The following METTL9 variants were observed in gnomAD, a reference collection of about 807,000 sequenced individuals.
METTL9 encodes protein-L-histidine N-pros-methyltransferase.
A neutral mutation model predicts 36.0 loss-of-function variants in METTL9; 10 were observed. That is an observed-to-expected ratio of 0.28 (90% CI 0.17 to 0.47). The LOEUF (loss-of-function observed/expected upper bound fraction) is 0.47. METTL9 is among the 20% of genes least tolerant of loss of function. The pLI, the probability that METTL9 is intolerant of heterozygous loss-of-function variation, is 0.99. For missense variants in METTL9, 246 were observed against 383.5 expected (o/e 0.64, Z 3.00); for synonymous variants, 175 against 149.7 (o/e 1.17, Z -1.23).
chr16:21,654,073 G>A (rs188002662), intron 4 of METTL9: 2,454 of 118,802 alleles, frequency 0.021, 37 homozygotes, highest in Middle Eastern at 0.081. Context: ...ACAGAGTCTC[G>A]CTCTGTCGCC....
intron 4 of METTL9, among the ~76,000 whole-genome samples, chr16:21,631,213 G>A (rs1339461037): frequency 2.6e-5 from 4 of 152,148 alleles, no homozygotes. Flanking sequence ...CCTATAAATA[G>A]GGGTATTAGT....
At chr16:21,626,542 G>A (rs1965818638) in intron 4 of METTL9, among the ~76,000 whole-genome samples, 1 of 152,166 alleles carries the variant, frequency 6.6e-6, no homozygotes, top group Admixed American at 6.5e-5. Flanking sequence ...ATAGAAGGGT[G>A]TGGAAAAGAG....
At chr16:21,644,421 C>T (rs747895996) in intron 4 of METTL9, 18 of 1,480,754 alleles carry the variant, frequency 1.2e-5, no homozygotes, top group Non-Finnish European at 1.6e-5. Context: ...CAGAAAGAAG[C>T]ACATTGACTA....
At chr16:21,627,954 A>G (rs952177928) in intron 4 of METTL9, among the ~76,000 whole-genome samples, 1 of 152,304 alleles carries the variant, frequency 6.6e-6, no homozygotes, top group Admixed American at 6.5e-5. Flanking sequence ...CTCCATCTCA[A>G]AAAACAAACA....
rs1454721182 is a variant in METTL9 at position 21,617,668 on chromosome 16, G to T, written c.357-197G>T. Among the ~76,000 whole-genome samples the T allele has an allele frequency of 2.0e-5, 3 of 151,904 alleles. 1 individual carries two copies. The highest frequency in any genetic ancestry group is 4.4e-5 in the Non-Finnish European group (3 of 67,962). The stretch of plus-strand genomic sequence containing the variant: ...CGCTTGAACCCAGGAGGCGAAGGTT[G>T]CAGTGAGCCGAGATCATGCCACTGC... On this transcript the variant is annotated intron_variant, in intron 2 of 4. Transcript: ENST00000358154.
At chr16:21,652,142 TAAATG>T (rs1236275022) in intron 4 of METTL9, 2 of 154,954 alleles carry the variant, frequency 1.3e-5, no homozygotes, top group Non-Finnish European at 2.9e-5. Flanking sequence ...TTTTTTTTCT[TAAATG>T]AAAAGTACTT....
chr16:21,622,995 TC>T lies in METTL9; in HGVS notation c.567-1934del, dbSNP rs929127661. Among the ~76,000 whole-genome samples the T allele has an allele frequency of 1.3e-4, 20 of 152,350 alleles. 1 individual carries two copies. Among genetic ancestry groups the T allele is most frequent in the African/African-American group, 4.8e-4 (20 of 41,572 alleles). On this transcript the variant is annotated intron_variant, in intron 3 of 4. Transcript: ENST00000358154. Reference sequence around the variant, plus strand: ...CTAAGGCGTTAATATATACAAATAGTCCTTTCTTTATTCATTTCCATTTTTT... The same window carrying T: ...CTAAGGCGTTAATATATACAAATAGTCTTTCTTTATTCATTTCCATTTTTT...
At position 21,599,650 on chromosome 16, in the gene METTL9, T is replaced by TGGCGGCGGTGGCCGGA; in HGVS notation, c.-73_-58dup. 3 of 1,345,170 alleles carry TGGCGGCGGTGGCCGGA rather than the reference T, an allele frequency of 2.2e-6. No homozygotes were observed. The highest frequency in any genetic ancestry group is 4.2e-5 in the Admixed American group (1 of 24,088). The allele number at this position is 1,345,170 out of a possible 1,614,324, so 83.3% of individuals were successfully genotyped here. On this transcript the variant is annotated 5_prime_UTR_variant, in exon 1 of 5. It removes the in-frame stop codon of an upstream open reading frame in the 5' UTR. Transcript: ENST00000358154. The surrounding 1 kb of genome is among the most constrained non-coding windows in gnomAD (Gnocchi z 4.4). ...GCCGCGATGGCTCGAGCTCGGGCGG[T>TGGCGGCGGTGGCCGGA]GGCGGCGGTGGCCGGAGGCGGCGGT... is the stretch of plus-strand genomic sequence containing the variant.
intron 4 of METTL9, among the ~76,000 whole-genome samples, chr16:21,636,945 C>CA (rs1351962395): frequency 2.0e-5 from 3 of 152,168 alleles, no homozygotes; most frequent in African/African-American, 7.2e-5. Context: ...TCTGGGTCGC[C>CA]AAAATGTGTC....
At chr16:21,615,002 T>C (rs2152894148) in intron 2 of METTL9, among the ~76,000 whole-genome samples, 1 of 152,294 alleles carries the variant, frequency 6.6e-6, no homozygotes, top group Non-Finnish European at 1.5e-5. Flanking sequence ...GTCTAACTTT[T>C]CTGGCCTTGC....
chr16:21,616,221 G>A (rs1965552412), intron 2 of METTL9, among the ~76,000 whole-genome samples: 1 of 152,194 alleles, frequency 6.6e-6, no homozygotes, highest in Non-Finnish European at 1.5e-5. Context: ...TCCTGGACCA[G>A]TGGTCCCCAA....
chr16:21,643,291 G>A, intron 4 of METTL9: 1 of 674,750 alleles, frequency 1.5e-6, no homozygotes, highest in East Asian at 2.6e-5. Flanking sequence ...TGTGCCTACA[G>A]TTAACTCTTT....
chr16:21,643,017 T>G, intron 4 of METTL9: 2 of 1,235,076 alleles, frequency 1.6e-6, no homozygotes, highest in Non-Finnish European at 2.4e-6. Context: ...GCAGCTTAGT[T>G]TTTTCAAACG....
At chr16:21,622,141 C>CTTT (rs541282506) in intron 3 of METTL9, among the ~76,000 whole-genome samples, 1,005 of 34,904 alleles carry the variant, frequency 0.029, 265 homozygotes, top group Admixed American at 0.036. Context: ...CATGCCTGGC[C>CTTT]TTTTTTTTTT....
At position 21,617,866 on chromosome 16, in the gene METTL9, T is replaced by A. The variant is rs764391674; in HGVS notation, c.358T>A (p.Leu120Met). The A allele has an allele frequency of 6.2e-7, 1 of 1,613,870 alleles. No individual in the cohort carries two copies. The highest frequency in any genetic ancestry group is 1.1e-5 in the South Asian group (1 of 91,066). ...ATTTTTGTCCTTTTTTTCTTTCAGGTTGCTAGGAAGAGGCTCAATGTTTGT... is the reference window on the plus strand; with the variant it reads ...ATTTTTGTCCTTTTTTTCTTTCAGGATGCTAGGAAGAGGCTCAATGTTTGT... ...LFMSRTSING[L>M]LGRGSMFVFS... is the part of the protein sequence containing the mutation. Residue 120 changes from leucine to methionine, a missense_variant and splice_region_variant, in exon 3 of 5, where the codon TTG (leucine) becomes ATG (methionine). Transcript: ENST00000358154.
chr16:21,633,935 C>T (rs226011), intron 4 of METTL9, among the ~76,000 whole-genome samples: 121,345 of 152,016 alleles, frequency 0.8, 49,239 homozygotes, highest in African/African-American at 0.95. Context: ...GACTTCAGGG[C>T]TGATTCCCTC....
At chr16:21,643,654 G>T in intron 4 of METTL9, 2 of 1,158,772 alleles carry the variant, frequency 1.7e-6, no homozygotes, top group African/African-American at 1.5e-5. Flanking sequence ...TAACAATGGT[G>T]GCAGATATCT....
intron 4 of METTL9, among the ~76,000 whole-genome samples, chr16:21,631,155 GTAGA>G (rs1965950748): frequency 1.3e-5 from 2 of 152,144 alleles, no homozygotes; most frequent in South Asian, 4.1e-4. Flanking sequence ...GGATAATGAA[GTAGA>G]TAAACTGGCT....
At chr16:21,621,149 A>AGAGTGTGTGT (rs1555489994) in intron 3 of METTL9, among the ~76,000 whole-genome samples, 3 of 144,620 alleles carry the variant, frequency 2.1e-5, no homozygotes, top group African/African-American at 7.6e-5. Flanking sequence ...TGAGAGAGAG[A>AGAGTGTGTGT]GTGTGTGTGT....
Sources: allele counts gnomAD v4.1 joint callset (sites outside exome capture counted in the v4.1 genomes callset), GRCh38; gene constraint gnomAD v4.1.1; non-coding constraint Gnocchi (gnomAD v3.1); transcripts MANE v1.5; gene names NCBI Gene and HGNC (gene_info 2026-07-23, HGNC 2026-07-21).